AFF3: variants seen among roughly 807,000 people sequenced by gnomAD.
AFF3 encodes AF4/FMR2 family member 3.
In AFF3, 32 loss-of-function variants were observed where a neutral mutation model predicts 129.7. The ratio of observed to expected loss-of-function variants is 0.25; its 90% CI spans 0.19 to 0.33. The LOEUF is 0.33. Ranked by LOEUF, AFF3 falls within the 10% of genes least tolerant of loss-of-function variation. The pLI is 1.00. For missense variants in AFF3, 1,373 were observed against 1,592.0 expected, an observed-to-expected ratio of 0.86 and a Z score of 2.34; for synonymous variants, 644 against 635.4, an observed-to-expected ratio of 1.01 and a Z score of -0.20.
chr2:99,682,863 G>A (rs1487457511), intron 11 of AFF3, among the ~76,000 whole-genome samples: 1 of 152,244 alleles, frequency 6.6e-6, no homozygotes, highest in Non-Finnish European at 1.5e-5. Flanking sequence ...AGCTTCAGCA[G>A]ATGGCAGATA....
At chr2:99,849,626 C>T (rs888468051) in intron 7 of AFF3, among the ~76,000 whole-genome samples, 1 of 152,018 alleles carries the variant, frequency 6.6e-6, no homozygotes, top group African/African-American at 2.4e-5. Flanking sequence ...AACAGCTGAT[C>T]AGTATATAAA....
At chr2:99,736,652 C>T (rs1274935306) in intron 10 of AFF3, among the ~76,000 whole-genome samples, 1 of 149,098 alleles carries the variant, frequency 6.7e-6, no homozygotes. Context: ...CTCTGTTGCC[C>T]AGGCTGGAGT....
chr2:99,946,881 T>C (rs931018187), intron 7 of AFF3, among the ~76,000 whole-genome samples: 2 of 152,212 alleles, frequency 1.3e-5, no homozygotes, highest in African/African-American at 4.8e-5. Flanking sequence ...ATTAAGGCAG[T>C]GACTATGTCT....
intron 7 of AFF3, among the ~76,000 whole-genome samples, chr2:99,998,731 A>G (rs1244552178): frequency 6.6e-6 from 1 of 152,184 alleles, no homozygotes; most frequent in Non-Finnish European, 1.5e-5. Flanking sequence ...ATGTTCACCT[A>G]AATTATGAAA....
intron 14 of AFF3, among the ~76,000 whole-genome samples, chr2:99,599,030 G>C (rs1679558899): frequency 6.6e-6 from 1 of 152,230 alleles, no homozygotes; most frequent in South Asian, 2.1e-4. Flanking sequence ...CTCTGTGTAG[G>C]GAAGCCAGGA....
chr2:99,553,020 C>A (rs946082388), intron 24 of AFF3, among the ~76,000 whole-genome samples: 68 of 152,248 alleles, frequency 4.5e-4, no homozygotes, highest in African/African-American at 1.6e-3. Context: ...GCAACCACTG[C>A]CCGCCTTCCA....
chr2:99,768,147 T>C (rs191724091), intron 8 of AFF3, among the ~76,000 whole-genome samples: 1 of 152,368 alleles, frequency 6.6e-6, no homozygotes, highest in East Asian at 1.9e-4. Flanking sequence ...GATTTCATTT[T>C]AGTTTTTAAT....
intron 24 of AFF3, 115 bp downstream of exon 24, chr2:99,554,196 T>C (rs911707906): frequency 1.5e-5 from 17 of 1,121,450 alleles, no homozygotes; most frequent in Non-Finnish European, 2.1e-5. Flanking sequence ...TAATGTCAAA[T>C]GAAGAAAGGA....
chr2:99,907,608 T>A (rs1002205601), intron 7 of AFF3, among the ~76,000 whole-genome samples: 3 of 151,928 alleles, frequency 2.0e-5, no homozygotes, highest in Non-Finnish European at 4.4e-5. Flanking sequence ...TGATTCTGAA[T>A]TGTTGAGGAA....
At chr2:99,837,058 A>G (rs1446336455) in intron 8 of AFF3, among the ~76,000 whole-genome samples, 7 of 152,214 alleles carry the variant, frequency 4.6e-5, no homozygotes, top group Non-Finnish European at 1.0e-4. Flanking sequence ...GATCCTGAAC[A>G]TTACCTCTTT....
chr2:99,666,566 A>C (rs1686692687), intron 12 of AFF3, among the ~76,000 whole-genome samples: 2 of 152,308 alleles, frequency 1.3e-5, no homozygotes, highest in South Asian at 4.1e-4. Flanking sequence ...AATTACATTA[A>C]ATGTAAATGG....
At chr2:100,123,706 T>G (rs552198843) in intron 2 of AFF3, among the ~76,000 whole-genome samples, 1 of 152,290 alleles carries the variant, frequency 6.6e-6, no homozygotes, top group South Asian at 2.1e-4. Context: ...CAAAATATCC[T>G]AGCAGACATG....
At position 99,578,433 on chromosome 2, in the gene AFF3, A is replaced by T. The variant is rs1419455354; in HGVS notation, c.2812T>A (p.Ser938Thr). The T allele has an allele frequency of 5.0e-6, 8 of 1,610,914 alleles. No homozygotes were observed. The highest frequency in any genetic ancestry group is 6.8e-6 in the Non-Finnish European group (8 of 1,179,012). The change falls in exon 18 of 25, where the codon TCT becomes ACT. Residue 938 changes from serine to threonine, a missense_variant. Around this residue, in one of 9 missense-constraint regions of AFF3, gnomAD observed 466 missense variants for 505.0 expected, o/e 0.92. Coordinates refer to ENST00000672756, the MANE Select transcript of AFF3 (RefSeq NM_001386135.1). ...GDLTKAAHNN[S>T]ENIPLHKSRP... ...GACTTGTGGAGGGGAATGTTTTCAG[A>T]ATTGTTGTGAGCTGCTTTCTAAACA...
chr2:99,635,599 G>A (rs1000681939), intron 13 of AFF3, among the ~76,000 whole-genome samples: 3 of 152,094 alleles, frequency 2.0e-5, no homozygotes, highest in African/African-American at 7.2e-5. Flanking sequence ...ACCACATCTG[G>A]CCAATTTTGT....
chr2:100,116,398 G>A (rs1691737491), intron 2 of AFF3, among the ~76,000 whole-genome samples: 1 of 151,888 alleles, frequency 6.6e-6, no homozygotes. Flanking sequence ...GGAGCTATTT[G>A]TTCTGATCGT....
intron 7 of AFF3, among the ~76,000 whole-genome samples, chr2:99,984,994 T>C (rs1329391476): frequency 6.6e-6 from 1 of 152,058 alleles, no homozygotes; most frequent in Non-Finnish European, 1.5e-5. Flanking sequence ...TCAGGCAACT[T>C]CACATCAGGA....
intron 7 of AFF3, among the ~76,000 whole-genome samples, chr2:99,923,353 T>C (rs1179225101): frequency 1.3e-5 from 2 of 152,220 alleles, no homozygotes; most frequent in East Asian, 1.9e-4. Context: ...ACAGTACAGA[T>C]TGTTAATTTC....
intron 7 of AFF3, among the ~76,000 whole-genome samples, chr2:99,935,986 A>T (rs1335958452): frequency 6.6e-6 from 1 of 152,230 alleles, no homozygotes; most frequent in Non-Finnish European, 1.5e-5. Context: ...GAGTTTCATG[A>T]TGAATCACTG....
intron 7 of AFF3, among the ~76,000 whole-genome samples, chr2:99,862,768 G>A (rs1404420710): frequency 6.6e-6 from 1 of 152,236 alleles, no homozygotes; most frequent in East Asian, 1.9e-4. Context: ...TGAGGTTGTG[G>A]TTAAACTTCC....
Sources: allele counts gnomAD v4.1 joint callset (sites outside exome capture counted in the v4.1 genomes callset), GRCh38; gene constraint gnomAD v4.1.1; regional missense constraint gnomAD v4.1.1; transcripts MANE v1.5; gene names NCBI Gene and HGNC (gene_info 2026-07-23, HGNC 2026-07-21).